Variants in XYLT1 observed in about 807,000 individuals in gnomAD.
XYLT1 encodes beta-D-xylosyltransferase 1.
A neutral mutation model predicts 91.3 loss-of-function variants in XYLT1; 36 were observed. That is an observed-to-expected ratio of 0.39 (90% CI 0.30 to 0.52). XYLT1 has a LOEUF of 0.52. Among genes scored for constraint, XYLT1 ranks in the 20% least tolerant of loss-of-function variants. XYLT1 has a pLI of 0.68. For missense variants in XYLT1, 1,242 were observed against 1,284.5 expected, an observed-to-expected ratio of 0.97 and a Z score of 0.51; for synonymous variants, 588 against 532.0, an observed-to-expected ratio of 1.11 and a Z score of -1.45.
chr16:17,432,748 T>C (rs2036406767), intron 1 of XYLT1, among the ~76,000 whole-genome samples: 1 of 152,158 alleles, frequency 6.6e-6, no homozygotes, highest in African/African-American at 2.4e-5. Flanking sequence ...TCTCTAGTCC[T>C]TAAATAACAT....
intron 1 of XYLT1, among the ~76,000 whole-genome samples, chr16:17,458,417 A>G (rs72783564): frequency 0.12 from 18,501 of 152,250 alleles, 1,390 homozygotes; most frequent in South Asian, 0.2. Context: ...TGAAATGTCC[A>G]GAACTCAGTC....
chr16:17,117,536 T>C, intron 11 of XYLT1, 110 bp downstream of exon 11: 1 of 1,191,914 alleles, frequency 8.4e-7, no homozygotes, highest in Non-Finnish European at 1.2e-6. Context: ...TGCTGTTCTG[T>C]GAGGCCGCTG....
intron 3 of XYLT1, among the ~76,000 whole-genome samples, chr16:17,202,060 C>A (rs993718544): frequency 6.6e-6 from 1 of 152,196 alleles, no homozygotes; most frequent in East Asian, 1.9e-4. Flanking sequence ...AGACTCCTCT[C>A]TTTCTTTCTC....
intron 1 of XYLT1, among the ~76,000 whole-genome samples, chr16:17,365,853 GT>G (rs1242321059): frequency 6.6e-6 from 1 of 152,070 alleles, no homozygotes; most frequent in East Asian, 1.9e-4. Context: ...AGCACAAATG[GT>G]TATCAAAAAT....
intron 2 of XYLT1, among the ~76,000 whole-genome samples, chr16:17,337,838 T>C (rs2035009024): frequency 6.9e-6 from 1 of 145,188 alleles, no homozygotes. Context: ...TGGAGCGCAG[T>C]GACGCCATCT....
At chr16:17,397,148 A>G (rs2035896969) in intron 1 of XYLT1, among the ~76,000 whole-genome samples, 1 of 152,188 alleles carries the variant, frequency 6.6e-6, no homozygotes, top group African/African-American at 2.4e-5. Context: ...GGATGTGATC[A>G]GGGAAGGCTT....
intron 9 of XYLT1, among the ~76,000 whole-genome samples, chr16:17,128,609 G>T (rs2030347083): frequency 6.6e-6 from 1 of 152,074 alleles, no homozygotes; most frequent in African/African-American, 2.4e-5. Context: ...ACTTACACTG[G>T]TTATCATCTT....
At chr16:17,126,562 A>C (rs1210217230) in intron 10 of XYLT1, among the ~76,000 whole-genome samples, 2 of 152,184 alleles carry the variant, frequency 1.3e-5, no homozygotes, top group Non-Finnish European at 2.9e-5. Context: ...CAGAAGCTAG[A>C]GAAGGACTGT....
In XYLT1 at chr16:17,138,496, G is replaced by T; in HGVS notation, c.1623C>A (p.His541Gln). 1 of 1,614,190 alleles carries T rather than the reference G, an allele frequency of 6.2e-7. No homozygotes were observed. The highest frequency in any genetic ancestry group is 8.5e-7 in the Non-Finnish European group (1 of 1,180,028). Reference sequence around the variant, plus strand: ...GGTTGTTGTCCACCATGGTGTCGCAGTGGGGGCTGTTCTCCAGGACCGTAT... The same window carrying T: ...GGTTGTTGTCCACCATGGTGTCGCATTGGGGGCTGTTCTCCAGGACCGTAT... ...FFHTVLENSP[H>Q]CDTMVDNNLR... is the part of the protein sequence containing the mutation. The change falls in exon 8 of 12, where the codon CAC becomes CAA. Residue 541 changes from histidine to glutamine, a missense_variant. His to Gln is a conservative substitution (Grantham distance 24, BLOSUM62 0). Around this residue, in one of 3 missense-constraint regions of XYLT1, gnomAD observed 294 missense variants for 376.0 expected, o/e 0.78. Coordinates refer to ENST00000261381, the MANE Select transcript of XYLT1 (RefSeq NM_022166.4).
chr16:17,127,283 C>G (rs1405670848), intron 10 of XYLT1, among the ~76,000 whole-genome samples: 1 of 152,144 alleles, frequency 6.6e-6, no homozygotes, highest in Non-Finnish European at 1.5e-5. Flanking sequence ...CCAAAGAGAC[C>G]TAGGTTGAAT....
In XYLT1 at chr16:17,342,838, G is replaced by A. The variant is rs114573964; in HGVS notation, c.402+15174C>T. Among the ~76,000 whole-genome samples the A allele has an allele frequency of 2.3e-3, 352 of 152,220 alleles. 1 individual carries two copies. The highest frequency in any genetic ancestry group is 7.9e-3 in the African/African-American group (328 of 41,516). On this transcript the variant is annotated intron_variant, in intron 2 of 11. Transcript: ENST00000261381. The stretch of plus-strand genomic sequence containing the variant: ...CAGCTCCTAAAACAGTATCCAGAAC[G>A]TAGTAGGCACTCAACACATATTTAT...
intron 2 of XYLT1, among the ~76,000 whole-genome samples, chr16:17,325,380 G>A (rs916352408): frequency 2.6e-5 from 4 of 152,178 alleles, no homozygotes; most frequent in African/African-American, 7.2e-5. Context: ...TAGCCTGGGC[G>A]ACAGAGCGAG....
intron 1 of XYLT1, among the ~76,000 whole-genome samples, chr16:17,462,777 T>C (rs1352651676): frequency 1.3e-5 from 2 of 152,196 alleles, no homozygotes; most frequent in African/African-American, 4.8e-5. Flanking sequence ...TAGAGAGAGC[T>C]GAATTCAAGA....
chr16:17,161,404 G>T (rs1029880093), intron 5 of XYLT1, among the ~76,000 whole-genome samples: 1 of 152,036 alleles, frequency 6.6e-6, no homozygotes, highest in African/African-American at 2.4e-5. Flanking sequence ...CTGATGGATT[G>T]TCTGGAAGGG....
intron 2 of XYLT1, among the ~76,000 whole-genome samples, chr16:17,307,037 T>C (rs933233416): frequency 6.6e-6 from 1 of 152,154 alleles, no homozygotes; most frequent in East Asian, 1.9e-4. Flanking sequence ...GACCTGAGAA[T>C]CTGGTAGTTA....
At position 17,181,774 on chromosome 16, in the gene XYLT1, T is replaced by G. The variant is rs2032076282; in HGVS notation, c.1289+16438A>C. On this transcript the variant is annotated intron_variant, in intron 5 of 11. Coordinates refer to ENST00000261381, the MANE Select transcript of XYLT1 (RefSeq NM_022166.4). ...ATTGCACTTCTTTTTTTTTTAATGT[T>G]TCTTGCCTCAGGCCTGGGTGGTACT... 2.0e-5 allele frequency among the ~76,000 whole-genome samples: 3 copies of G among 152,320 alleles called. No individual in the cohort carries two copies. The South Asian group carries it at 6.2e-4, about 32-fold the overall frequency.
chr16:17,251,864 C>T (rs1256377352), intron 3 of XYLT1, among the ~76,000 whole-genome samples: 1 of 151,822 alleles, frequency 6.6e-6, no homozygotes, highest in Non-Finnish European at 1.5e-5. Flanking sequence ...CCAGAGGAAG[C>T]GCATTCAGGG....
intron 1 of XYLT1, among the ~76,000 whole-genome samples, chr16:17,392,176 T>C (rs2035827654): frequency 6.6e-6 from 1 of 152,194 alleles, no homozygotes; most frequent in South Asian, 2.1e-4. Flanking sequence ...TAAAGCCCTA[T>C]AGGATCTTAC....
At chr16:17,176,384 A>G (rs1389396588) in intron 5 of XYLT1, among the ~76,000 whole-genome samples, 1 of 152,252 alleles carries the variant, frequency 6.6e-6, no homozygotes, top group South Asian at 2.1e-4. Context: ...AGGCTGAGGC[A>G]GGTAACTGAT....
Sources: gnomAD v4.1 joint callset for allele counts (sites outside exome capture counted in the v4.1 genomes callset) on GRCh38, gnomAD v4.1.1 for gene constraint, gnomAD v4.1.1 regional missense constraint, MANE v1.5 for transcripts, NCBI Gene and HGNC (gene_info 2026-07-23, HGNC 2026-07-21) for gene names.